The following ZNF280D variants were observed in gnomAD, a reference collection of about 807,000 sequenced individuals.
ZNF280D encodes zinc finger protein 280D.
ZNF280D carries 39 observed loss-of-function variants against 94.7 expected under a neutral mutation model. The ratio of observed to expected loss-of-function variants is 0.41; its 90% CI spans 0.32 to 0.54. The LOEUF (loss-of-function observed/expected upper bound fraction) is 0.54, where lower values mean the gene tolerates loss of function less well. Ranked by LOEUF, ZNF280D falls within the 20% of genes least tolerant of loss-of-function variation. The pLI is 0.22. For missense variants in ZNF280D, 1,090 were observed against 1,149.3 expected, an observed-to-expected ratio of 0.95 and a Z score of 0.75; for synonymous variants, 398 against 377.6, an observed-to-expected ratio of 1.05 and a Z score of -0.63.
intron 1 of ZNF280D, among the ~76,000 whole-genome samples, chr15:56,710,192 C>A (rs1287421901): frequency 6.6e-6 from 1 of 152,166 alleles, no homozygotes; most frequent in African/African-American, 2.4e-5. Flanking sequence ...CACCTGAGGT[C>A]AGGAGTTCGA....
chr15:56,685,447 AC>A (rs1406124872), intron 9 of ZNF280D, among the ~76,000 whole-genome samples: 1 of 152,218 alleles, frequency 6.6e-6, no homozygotes, highest in African/African-American at 2.4e-5. Context: ...GGATAAAAGG[AC>A]AAAGAGTACA....
chr15:56,668,470 T>C (rs1377138489), intron 14 of ZNF280D, among the ~76,000 whole-genome samples: 1 of 151,984 alleles, frequency 6.6e-6, no homozygotes, highest in African/African-American at 2.4e-5. Flanking sequence ...CAAAGATAAA[T>C]AAAACATGAT....
intron 7 of ZNF280D, among the ~76,000 whole-genome samples, chr15:56,691,749 G>A (rs1424630883): frequency 6.6e-6 from 1 of 152,110 alleles, no homozygotes; most frequent in African/African-American, 2.4e-5. Flanking sequence ...CAGAATAACT[G>A]TATTGTCAAG....
intron 1 of ZNF280D, among the ~76,000 whole-genome samples, chr15:56,716,060 G>C (rs1056891657): frequency 2.0e-5 from 3 of 152,132 alleles, no homozygotes; most frequent in African/African-American, 4.8e-5. Context: ...TGTTATATAA[G>C]GGACTTGAGC....
At chr15:56,677,527 C>A (rs372781534) in intron 12 of ZNF280D, 47 bp downstream of exon 12, 1 of 1,411,066 alleles carries the variant, frequency 7.1e-7, no homozygotes, top group African/African-American at 1.4e-5. Context: ...ATAACCAAAA[C>A]AACAAACAAA....
chr15:56,731,876 G>A (rs1486030711), intron 1 of ZNF280D, among the ~76,000 whole-genome samples: 11 of 152,088 alleles, frequency 7.2e-5, no homozygotes. Context: ...ATTAACTCGA[G>A]AATAAAAATA....
chr15:56,680,740 G>A (rs1289884043), intron 10 of ZNF280D, among the ~76,000 whole-genome samples: 4 of 151,086 alleles, frequency 2.6e-5, no homozygotes, highest in South Asian at 4.2e-4. Flanking sequence ...GCCTCCCAAA[G>A]TGCTGGGATT....
chr15:56,669,903 AT>A lies in ZNF280D; in HGVS notation c.1411-947del, dbSNP rs1378306749. Reference sequence around the variant, plus strand: ...TATATATATATTATATATATATATAATATATATATATTATATATATATTATA... The same window carrying A: ...TATATATATATTATATATATATATAAATATATATATTATATATATATTATA... On this transcript the variant is annotated intron_variant, in intron 13 of 21. Coordinates refer to ENST00000267807, the MANE Select transcript of ZNF280D (RefSeq NM_017661.4). Among the ~76,000 whole-genome samples the A allele has an allele frequency of 7.8e-4, 2 of 2,552 alleles. 1 individual carries two copies. The highest frequency in any genetic ancestry group is 1.5e-3 in the Non-Finnish European group (2 of 1,312). The allele number at this position is 2,552 out of a possible 152,430, so 1.7% of individuals were successfully genotyped here. A position where few individuals can be genotyped will look rare whatever the true frequency, so the allele number is the denominator to read the frequency against.
At chr15:56,729,134 CAATGA>C (rs1319348798) in intron 1 of ZNF280D, among the ~76,000 whole-genome samples, 48 of 151,050 alleles carry the variant, frequency 3.2e-4, no homozygotes, top group African/African-American at 1.2e-3. Flanking sequence ...CAACAGGTGA[CAATGA>C]AATATGATAA....
chr15:56,732,895 T>G (rs1380263074), intron 1 of ZNF280D: 1 of 152,148 alleles, frequency 6.6e-6, no homozygotes, highest in Non-Finnish European at 1.5e-5. Flanking sequence ...TAACGGGAAT[T>G]CTATGGCAGA....
intron 1 of ZNF280D, among the ~76,000 whole-genome samples, 179 bp downstream of exon 1, chr15:56,733,279 A>G (rs1417866264): frequency 6.6e-6 from 1 of 151,954 alleles, no homozygotes. Context: ...CCGACGCAAG[A>G]TGGCGGTCCG....
intron 6 of ZNF280D, among the ~76,000 whole-genome samples, chr15:56,697,023 TAACG>T (rs2056787980): frequency 6.6e-6 from 1 of 152,226 alleles, no homozygotes; most frequent in Non-Finnish European, 1.5e-5. Flanking sequence ...GATTTTTACC[TAACG>T]AACTATTAAA....
chr15:56,669,951 A>G (rs377078980), intron 13 of ZNF280D, among the ~76,000 whole-genome samples: 1 of 1,614 alleles, frequency 6.2e-4, no homozygotes, highest in Non-Finnish European at 1.0e-3. Context: ...TATATATATT[A>G]TATATATATA....
chr15:56,682,133 C>T, intron 10 of ZNF280D, 121 bp downstream of exon 10: 1 of 668,672 alleles, frequency 1.5e-6, no homozygotes. Flanking sequence ...CGCCTTTATT[C>T]TCAGTAGAAA....
intron 7 of ZNF280D, 134 bp from the exon 8 acceptor site, chr15:56,689,604 T>C: frequency 3.6e-6 from 2 of 552,830 alleles, no homozygotes; most frequent in Non-Finnish European, 5.7e-6. Flanking sequence ...TGATAAAACT[T>C]GATATGATCC....
At chr15:56,694,294 T>TACACACACAC (rs57017142) in intron 6 of ZNF280D, among the ~76,000 whole-genome samples, 1 of 138,508 alleles carries the variant, frequency 7.2e-6, no homozygotes, top group South Asian at 2.4e-4. Flanking sequence ...TAATGACACA[T>TACACACACAC]ACACACACAC....
intron 10 of ZNF280D, 126 bp downstream of exon 10, chr15:56,682,128 T>C (rs1332936285): frequency 4.6e-6 from 3 of 648,818 alleles, no homozygotes; most frequent in Non-Finnish European, 7.6e-6. Flanking sequence ...GAATCCGCCT[T>C]TATTCTCAGT....
At chr15:56,658,887 C>A (rs1247092458) in intron 16 of ZNF280D, among the ~76,000 whole-genome samples, 1 of 151,896 alleles carries the variant, frequency 6.6e-6, no homozygotes, top group Non-Finnish European at 1.5e-5. Flanking sequence ...TATTACTCTC[C>A]AATTTTAACA....
At position 56,658,319 on chromosome 15, in the gene ZNF280D, A is replaced by G. The variant is rs1171061134; in HGVS notation, c.2057+105T>C. 5 of 773,520 alleles carry G rather than the reference A, an allele frequency of 6.5e-6. No homozygotes were observed. The African/African-American group carries it at 9.0e-5, about 14-fold the overall frequency. 47.9% of individuals were successfully genotyped at this position (773,520 alleles called of 1,614,324 possible). A position where few individuals can be genotyped will look rare whatever the true frequency, so the allele number is the denominator to read the frequency against. On this transcript the variant is annotated intron_variant, in intron 17 of 21. Coordinates refer to ENST00000267807, the MANE Select transcript of ZNF280D (RefSeq NM_017661.4). Reference sequence around the variant, plus strand: ...TATCCTAAAACCTATAAACACATAAATTGTATGGTATGCTAATTCTACCTC... The same window carrying G: ...TATCCTAAAACCTATAAACACATAAGTTGTATGGTATGCTAATTCTACCTC...
Sources: allele counts gnomAD v4.1 joint callset (sites outside exome capture counted in the v4.1 genomes callset), GRCh38; gene constraint gnomAD v4.1.1; transcripts MANE v1.5; gene names NCBI Gene and HGNC (gene_info 2026-07-23, HGNC 2026-07-21).